VWF: variants seen among roughly 807,000 people sequenced by gnomAD.
VWF encodes the protein von Willebrand factor.
A neutral mutation model predicts 308.6 loss-of-function variants in VWF; 176 were observed. The observed-to-expected ratio is 0.57, with a 90% CI of 0.50 to 0.65. The LOEUF (loss-of-function observed/expected upper bound fraction) is 0.65. Ranked by LOEUF, VWF falls within the 30% of genes least tolerant of loss-of-function variation. The pLI is 0.00. For synonymous variants in VWF, 1,385 were observed against 1,443.4 expected, an observed-to-expected ratio of 0.96 and a Z score of 0.92; for missense variants, 3,146 against 3,648.2, an observed-to-expected ratio of 0.86 and a Z score of 3.55.
chr12:6,106,204 AT>A (rs943229263), intron 5 of VWF, among the ~76,000 whole-genome samples: 1 of 152,046 alleles, frequency 6.6e-6, no homozygotes, highest in Non-Finnish European at 1.5e-5. Flanking sequence ...GCACAATGAA[AT>A]TTTTTTTCTT....
chr12:6,105,079 T>C (rs1314713970), intron 5 of VWF, among the ~76,000 whole-genome samples: 2 of 152,160 alleles, frequency 1.3e-5, no homozygotes, highest in Non-Finnish European at 2.9e-5. Context: ...ATGATAGATA[T>C]TGGAGACTCA....
At chr12:6,068,800 T>A (rs941368961) in intron 10 of VWF, among the ~76,000 whole-genome samples, 3 of 150,974 alleles carry the variant, frequency 2.0e-5, no homozygotes, top group Non-Finnish European at 1.5e-5. Context: ...AAGATGCATT[T>A]TTTTTTCTTT....
intron 42 of VWF, among the ~76,000 whole-genome samples, chr12:5,980,813 T>A (rs929564665): frequency 4.6e-5 from 7 of 152,308 alleles, no homozygotes; most frequent in African/African-American, 1.7e-4. Context: ...TGTCTGTCAT[T>A]CATGTCAGGA....
chr12:6,058,455 C>A lies in VWF; in HGVS notation c.1534-411G>T, dbSNP rs1810170254. Among the ~76,000 whole-genome samples the A allele has an allele frequency of 6.6e-6, 1 of 152,168 alleles. No individual in the cohort carries two copies. The highest frequency in any genetic ancestry group is 2.1e-4 in the South Asian group (1 of 4,830). ...CCATCCACACCAGTGGGCCTGACCC[C>A]CCCACCCAGAGTTACGTGCAAACTC... On this transcript the variant is annotated intron_variant, in intron 13 of 51. Transcript: ENST00000261405. This position sits in a 1 kb window ranked among gnomAD's most constrained non-coding sequence, Gnocchi z 4.9.
intron 25 of VWF, 72 bp downstream of exon 25, chr12:6,023,559 C>T: frequency 6.3e-7 from 1 of 1,595,380 alleles, no homozygotes; most frequent in East Asian, 2.2e-5. Context: ...CCCCTGCACT[C>T]ACAAGGTCTT....
chr12:6,014,813 G>A (rs1407946343), intron 31 of VWF, among the ~76,000 whole-genome samples: 3 of 152,210 alleles, frequency 2.0e-5, no homozygotes, highest in Admixed American at 6.5e-5. Flanking sequence ...AAATATCACA[G>A]GGCTGAGCCC....
At chr12:5,952,248 C>T (rs1195591563) in intron 49 of VWF, 143 bp downstream of exon 49, 35 of 1,217,886 alleles carry the variant, frequency 2.9e-5, no homozygotes, top group Non-Finnish European at 3.5e-5. Context: ...GCTTTGATTT[C>T]GTAATCTCAC....
Position 6,090,541 on chromosome 12 carries a change from CA to C in VWF, c.657+4918del, listed in dbSNP as rs1945021119. On this transcript the variant is annotated intron_variant, in intron 6 of 51. Coordinates refer to ENST00000261405, the MANE Select transcript of VWF (RefSeq NM_000552.5). ...CTTCTGCCGGCTCCCATTCTCAAGG[CA>C]GGGGCACTCCAGCGGAAAACACGGG... Among the ~76,000 whole-genome samples the C allele has an allele frequency of 3.9e-5, 6 of 152,264 alleles. No homozygotes were observed. The South Asian group carries it at 1.2e-3, about 32-fold the overall frequency.
Position 6,052,817 on chromosome 12 carries a change from G to A in VWF, c.1946-34C>T, listed in dbSNP as rs776031218. ...GAGAGGAGAAGTAAGGCCTCAGCGG[G>A]AATGTTGGACAGCAAGGACTGTGGT... On this transcript the variant is annotated intron_variant, in intron 15 of 51. Transcript: ENST00000261405. 9.4e-6 allele frequency: 15 copies of A among 1,601,648 alleles called. No homozygotes were observed. In the East Asian group the frequency reaches 3.2e-4, roughly 34 times the overall value.
intron 25 of VWF, among the ~76,000 whole-genome samples, chr12:6,023,110 TG>T (rs932010833): frequency 6.6e-6 from 1 of 152,146 alleles, no homozygotes; most frequent in African/African-American, 2.4e-5. Flanking sequence ...TTTGTACAGA[TG>T]GGGTCTTGCT....
intron 3 of VWF, among the ~76,000 whole-genome samples, chr12:6,114,405 T>C (rs956361510): frequency 2.0e-5 from 3 of 152,192 alleles, no homozygotes; most frequent in African/African-American, 7.2e-5. Flanking sequence ...GAGGTCGCTA[T>C]GGCTATAAGT....
intron 13 of VWF, among the ~76,000 whole-genome samples, chr12:6,061,386 C>T (rs544261627): frequency 6.8e-6 from 1 of 147,288 alleles, no homozygotes; most frequent in South Asian, 2.1e-4. Context: ...CTCTTTATTT[C>T]CTACTGGAAA....
At position 6,071,295 on chromosome 12, in the gene VWF, A is replaced by G; in HGVS notation, c.1156+2T>C. On this transcript the variant is annotated splice_donor_variant, in intron 10 of 51. Coordinates refer to ENST00000261405, the MANE Select transcript of VWF (RefSeq NM_000552.5). LOFTEE classifies it high-confidence loss of function. ...GAAGAGAATGAGCGGCAGGTCGCCTACCTGGACATTCTTCATTGCTGCAGA... is the reference window on the plus strand; with the variant it reads ...GAAGAGAATGAGCGGCAGGTCGCCTGCCTGGACATTCTTCATTGCTGCAGA... 1 of 1,614,110 alleles carries G rather than the reference A, an allele frequency of 6.2e-7. No homozygotes were observed. Among genetic ancestry groups the G allele is most frequent in the East Asian group, 2.2e-5 (1 of 44,892 alleles).
At chr12:6,044,775 C>T (rs1944431245) in intron 17 of VWF, among the ~76,000 whole-genome samples, 1 of 152,176 alleles carries the variant, frequency 6.6e-6, no homozygotes, top group Admixed American at 6.5e-5. Context: ...TTTCCAGACC[C>T]AGGCTTGAAA....
chr12:6,003,814 C>CTTTTTT (rs34433330), intron 34 of VWF, among the ~76,000 whole-genome samples: 18 of 122,802 alleles, frequency 1.5e-4, no homozygotes, highest in African/African-American at 2.8e-4. Flanking sequence ...CTTTCTCTCT[C>CTTTTTT]TTTTTTTTTT....
chr12:5,985,587 T>C lies in VWF; in HGVS notation c.6877A>G (p.Thr2293Ala), dbSNP rs879859172. The C allele has an allele frequency of 2.5e-6, 4 of 1,614,074 alleles. No homozygotes were observed. The highest frequency in any genetic ancestry group is 1.6e-4 in the Middle Eastern group (1 of 6,062). The change falls in exon 39 of 52, where the codon ACG becomes GCG. Residue 2293 changes from threonine to alanine, a missense_variant. Physicochemically the swap from Thr to Ala is moderately conservative, Grantham distance 58. This residue lies in a region of VWF where 989 missense variants were observed against 1,117.4 expected (regional missense o/e 0.89). Transcript: ENST00000261405. The stretch of plus-strand genomic sequence containing the variant: ...CCTTTGGCCGTGGGGCAGGGCTGCG[T>C]TGTGCAGTTGACCTTCCGCCCGCTG... Reference protein sequence around the residue: ...CLSGRKVNCTTQPCPTAKAPT... With the variant: ...CLSGRKVNCTAQPCPTAKAPT...
rs577629495 is a variant in VWF at position 6,018,870 on chromosome 12, C to T, written c.4548G>A (p.Arg1516=). ...SDKIGEADFN[R]SKEFMEEVIQ... ...TCACCTCCTCCATGAACTCCTTGCT[C>T]CTGTTGAAGTCGGCTTCACCAATTT... The change falls in exon 28 of 52, where the codon AGG becomes AGA. Residue 1516 remains arginine, a synonymous_variant. Transcript: ENST00000261405. 4 of 1,613,938 alleles carry T rather than the reference C, an allele frequency of 2.5e-6. No homozygotes were observed. The African/African-American group carries it at 5.3e-5, about 22-fold the overall frequency.
At chr12:6,025,878 C>A (rs750930915) in intron 23 of VWF, 28 bp downstream of exon 23, 4 of 1,613,834 alleles carry the variant, frequency 2.5e-6, no homozygotes, top group Admixed American at 1.7e-5. Context: ...AGCTCTAGGG[C>A]TCTGTCCACA....
intron 37 of VWF, 87 bp from the exon 38 acceptor site, chr12:5,992,105 G>C (rs913819999): frequency 7.6e-7 from 1 of 1,322,424 alleles, no homozygotes; most frequent in South Asian, 1.2e-5. Flanking sequence ...TTAATCATCA[G>C]ACAAACTTGC....
Sources: gnomAD v4.1 joint callset for allele counts (sites outside exome capture counted in the v4.1 genomes callset) on GRCh38, gnomAD v4.1.1 for gene constraint, gnomAD v4.1.1 regional missense constraint, Gnocchi (gnomAD v3.1) non-coding constraint, MANE v1.5 for transcripts, NCBI Gene and HGNC (gene_info 2026-07-23, HGNC 2026-07-21) for gene names.